TXNRD2: variants seen among roughly 807,000 people sequenced by gnomAD.
The protein encoded by TXNRD2 is thioredoxin reductase 2, mitochondrial.
Under a neutral mutation model 70.8 loss-of-function variants are expected in TXNRD2, and 67 were observed. The ratio of observed to expected loss-of-function variants is 0.95; its 90% CI spans 0.78 to 1.16. The LOEUF (loss-of-function observed/expected upper bound fraction) is 1.16. Among genes scored for constraint, TXNRD2 ranks in the 50% most tolerant of loss-of-function variants. The probability of loss-of-function intolerance (pLI) is 0.00; values close to 1 mark genes in which losing one functional copy is unlikely to be tolerated. For synonymous variants in TXNRD2, 301 were observed against 295.8 expected (o/e 1.02, Z -0.18); for missense variants, 644 against 719.9 (o/e 0.89, Z 1.21).
intron 8 of TXNRD2, among the ~76,000 whole-genome samples, chr22:19,904,417 G>A (rs1194141348): frequency 6.6e-6 from 1 of 152,254 alleles, no homozygotes; most frequent in African/African-American, 2.4e-5. Flanking sequence ...CATCTGTCCA[G>A]CCCTGGGCTC....
intron 11 of TXNRD2, 46 bp from the exon 12 acceptor site, chr22:19,883,507 T>C: frequency 6.2e-7 from 1 of 1,613,110 alleles, no homozygotes; most frequent in South Asian, 1.1e-5. Flanking sequence ...TCAGTGGCTT[T>C]GACCTAGAGC....
intron 1 of TXNRD2, among the ~76,000 whole-genome samples, chr22:19,941,281 G>A (rs1290497126): frequency 6.6e-6 from 1 of 152,186 alleles, no homozygotes; most frequent in Admixed American, 6.5e-5. Context: ...CCAGGAGGAC[G>A]AGTGTGTATC....
At chr22:19,878,512 G>A in intron 14 of TXNRD2, 75 bp from the exon 15 acceptor site, 1 of 1,336,216 alleles carries the variant, frequency 7.5e-7, no homozygotes. Flanking sequence ...CCCACAGGCT[G>A]CATGGGCAAG....
At chr22:19,910,702 G>C (rs975484095) in intron 8 of TXNRD2, among the ~76,000 whole-genome samples, 1 of 152,036 alleles carries the variant, frequency 6.6e-6, no homozygotes, top group African/African-American at 2.4e-5. Context: ...AACCTCCTGG[G>C]CTCAAGCAAT....
intron 7 of TXNRD2, among the ~76,000 whole-genome samples, chr22:19,913,486 C>T (rs73880006): frequency 0.034 from 5,222 of 152,254 alleles, 130 homozygotes; most frequent in South Asian, 0.086. Flanking sequence ...CCAACTTCAC[C>T]GGAGCTCAGC....
intron 1 of TXNRD2, among the ~76,000 whole-genome samples, chr22:19,941,402 A>C (rs1362042625): frequency 6.6e-6 from 1 of 152,118 alleles, no homozygotes; most frequent in Non-Finnish European, 1.5e-5. Context: ...GTGGGATATC[A>C]TCATCTTCAG....
intron 11 of TXNRD2, among the ~76,000 whole-genome samples, chr22:19,886,378 T>C (rs1939034905): frequency 6.6e-6 from 1 of 152,226 alleles, no homozygotes; most frequent in Non-Finnish European, 1.5e-5. Context: ...GGGCCAGATC[T>C]CCCTGCTGGT....
At chr22:19,919,731 CTG>C in intron 2 of TXNRD2, 132 bp from the exon 3 acceptor site, 1 of 854,512 alleles carries the variant, frequency 1.2e-6, no homozygotes, top group Non-Finnish European at 1.9e-6. Context: ...CACACAGTGG[CTG>C]AGCTGCGCAA....
Position 19,915,375 on chromosome 22 carries a change from G to A in TXNRD2, c.529-99C>T, listed in dbSNP as rs754363430. The A allele has an allele frequency of 2.1e-4, 251 of 1,215,482 alleles. 1 individual carries two copies. In the Middle Eastern group the frequency reaches 2.7e-3, roughly 13 times the overall value. The allele number at this position is 1,215,482 out of a possible 1,614,324, so 75.3% of individuals were successfully genotyped here. On this transcript the variant is annotated intron_variant, in intron 6 of 17. Coordinates refer to ENST00000400521, the MANE Select transcript of TXNRD2 (RefSeq NM_006440.5). The stretch of plus-strand genomic sequence containing the variant: ...CAGACCTTGGCCAGCAGTTCCCACG[G>A]CCCCTGCCCTGTAGCGTGGACCCTT...
chr22:19,930,350 T>C (rs576474387), intron 2 of TXNRD2, among the ~76,000 whole-genome samples: 5 of 152,210 alleles, frequency 3.3e-5, no homozygotes, highest in Admixed American at 2.0e-4. Flanking sequence ...CCTCTTATCA[T>C]TGTGTAGACA....
At chr22:19,878,801 T>G (rs1938624841) in intron 14 of TXNRD2, among the ~76,000 whole-genome samples, 2 of 152,152 alleles carry the variant, frequency 1.3e-5, no homozygotes. Context: ...GAGGCAAGAA[T>G]GGGTGAGCAG....
intron 5 of TXNRD2, 96 bp downstream of exon 5, chr22:19,918,047 G>T: frequency 2.8e-6 from 3 of 1,090,462 alleles, no homozygotes; most frequent in Non-Finnish European, 4.2e-6. Context: ...GAGCCTGCCA[G>T]AGCATGCTCT....
chr22:19,883,468 G>C lies in TXNRD2; in HGVS notation c.950-7C>G. ...CTGGTGTCTGGGACTCGACCTGAAG[G>C]AAACAGAGAGGGGGCTGAAAGGTTA... On this transcript the variant is annotated splice_region_variant and splice_polypyrimidine_tract_variant and intron_variant, in intron 11 of 17. Coordinates refer to ENST00000400521, the MANE Select transcript of TXNRD2 (RefSeq NM_006440.5). 1.2e-6 allele frequency: 2 copies of C among 1,614,034 alleles called. No homozygotes were observed. Among genetic ancestry groups the C allele is most frequent in the South Asian group, 1.1e-5 (1 of 91,088 alleles).
chr22:19,894,847 G>A lies in TXNRD2; in HGVS notation c.949+560C>T, dbSNP rs183149418. The A allele has an allele frequency of 1.1e-5, 5 of 472,742 alleles. No individual in the cohort carries two copies. In the East Asian group the frequency reaches 2.7e-4, roughly 26 times the overall value. 29.3% of individuals were successfully genotyped at this position (472,742 alleles called of 1,614,324 possible). ...TACTAAAAATACAAAAATTAGTCAGGTGTAGTGGTGGGCGCCTGTAGCCCC... is the reference window on the plus strand; with the variant it reads ...TACTAAAAATACAAAAATTAGTCAGATGTAGTGGTGGGCGCCTGTAGCCCC... On this transcript the variant is annotated intron_variant, in intron 11 of 17. Coordinates refer to ENST00000400521, the MANE Select transcript of TXNRD2 (RefSeq NM_006440.5).
chr22:19,914,663 G>T (rs561065551), intron 7 of TXNRD2, among the ~76,000 whole-genome samples: 2 of 152,180 alleles, frequency 1.3e-5, no homozygotes, highest in African/African-American at 4.8e-5. Flanking sequence ...TGGGGAGTAG[G>T]GTTTAATGGG....
chr22:19,897,074 C>G (rs980169680), intron 10 of TXNRD2, among the ~76,000 whole-genome samples: 13 of 152,202 alleles, frequency 8.5e-5, no homozygotes, highest in African/African-American at 3.1e-4. Flanking sequence ...TCTGAAGGCT[C>G]TGAGGCCTTC....
intron 8 of TXNRD2, among the ~76,000 whole-genome samples, chr22:19,906,514 C>CTA (rs1336932403): frequency 1.3e-5 from 2 of 152,046 alleles, no homozygotes; most frequent in Non-Finnish European, 2.9e-5. Flanking sequence ...CCCAGCTACT[C>CTA]AGGAGGCTGA....
At chr22:19,899,481 C>T (rs1442926895) in intron 8 of TXNRD2, among the ~76,000 whole-genome samples, 1 of 152,248 alleles carries the variant, frequency 6.6e-6, no homozygotes, top group African/African-American at 2.4e-5. Context: ...AAAGCACTCT[C>T]AAGACCACAG....
At chr22:19,895,648 C>A in intron 10 of TXNRD2, 67 bp from the exon 11 acceptor site, 1 of 1,582,142 alleles carries the variant, frequency 6.3e-7, no homozygotes, top group South Asian at 1.1e-5. Flanking sequence ...TGGCCCTGCC[C>A]TGCTCTCGAA....
Sources: allele counts gnomAD v4.1 joint callset (sites outside exome capture counted in the v4.1 genomes callset), GRCh38; gene constraint gnomAD v4.1.1; transcripts MANE v1.5; gene names NCBI Gene and HGNC (gene_info 2026-07-23, HGNC 2026-07-21).